EBF1: variants seen among roughly 807,000 people sequenced by gnomAD.
EBF1 encodes transcription factor COE1.
A neutral mutation model predicts 68.4 loss-of-function variants in EBF1; 10 were observed. The ratio of observed to expected loss-of-function variants is 0.15; its 90% CI spans 0.09 to 0.25. EBF1 has a LOEUF of 0.25. EBF1 is among the 10% of genes least tolerant of loss of function. The pLI is 1.00. For synonymous variants in EBF1, 298 were observed against 299.8 expected (o/e 0.99, Z 0.06); for missense variants, 509 against 794.4 (o/e 0.64, Z 4.32).
intron 6 of EBF1, among the ~76,000 whole-genome samples, chr5:158,973,107 T>C (rs1040871126): frequency 6.6e-6 from 1 of 152,194 alleles, no homozygotes; most frequent in African/African-American, 2.4e-5. Context: ...TACTGGTTTG[T>C]GTGTTGATTG....
intron 6 of EBF1, among the ~76,000 whole-genome samples, chr5:158,920,654 C>A (rs1562302647): frequency 1.3e-5 from 2 of 152,136 alleles, no homozygotes; most frequent in African/African-American, 4.8e-5. Context: ...TCATAGCTCA[C>A]TGCAGCCTGC....
intron 6 of EBF1, among the ~76,000 whole-genome samples, chr5:159,032,027 C>T (rs1170982123): frequency 2.0e-5 from 3 of 152,048 alleles, no homozygotes; most frequent in Non-Finnish European, 2.9e-5. Context: ...CTGGTGAATA[C>T]ATTCTTGGAT....
intron 6 of EBF1, among the ~76,000 whole-genome samples, chr5:159,060,760 C>T (rs1450129019): frequency 1.3e-5 from 2 of 152,198 alleles, no homozygotes; most frequent in South Asian, 2.1e-4. Context: ...TACAGGATGG[C>T]ATAAAAGATG....
At chr5:158,740,245 C>T (rs894946743) in intron 10 of EBF1, among the ~76,000 whole-genome samples, 1 of 152,172 alleles carries the variant, frequency 6.6e-6, no homozygotes, top group Non-Finnish European at 1.5e-5. Flanking sequence ...GGGACAGCAC[C>T]GAGTCAGGCT....
intron 6 of EBF1, among the ~76,000 whole-genome samples, chr5:159,061,541 GC>G (rs1273792957): frequency 1.3e-5 from 2 of 152,102 alleles, no homozygotes; most frequent in South Asian, 2.1e-4. Flanking sequence ...GGGAGGAGGA[GC>G]CCCCGCCCTT....
intron 7 of EBF1, among the ~76,000 whole-genome samples, chr5:158,838,151 C>A (rs1466588473): frequency 1.3e-5 from 2 of 151,932 alleles, no homozygotes; most frequent in Non-Finnish European, 2.9e-5. Flanking sequence ...AAACTAGAAA[C>A]CTCCCCATTC....
chr5:158,940,107 T>C (rs541718443), intron 6 of EBF1, among the ~76,000 whole-genome samples: 1 of 152,308 alleles, frequency 6.6e-6, no homozygotes, highest in South Asian at 2.1e-4. Flanking sequence ...TGGGAGAGTT[T>C]TCTTGTTCTC....
At chr5:158,828,413 G>C (rs980384570) in intron 7 of EBF1, among the ~76,000 whole-genome samples, 1 of 152,096 alleles carries the variant, frequency 6.6e-6, no homozygotes, top group Non-Finnish European at 1.5e-5. Context: ...CCTCACAGGA[G>C]GAAATTTGGA....
At chr5:158,899,044 T>C (rs1480406246) in intron 6 of EBF1, among the ~76,000 whole-genome samples, 1 of 152,204 alleles carries the variant, frequency 6.6e-6, no homozygotes, top group Non-Finnish European at 1.5e-5. Flanking sequence ...AGTATACTGT[T>C]CCCCATATTG....
At chr5:158,895,345 G>T (rs1271168253) in intron 6 of EBF1, among the ~76,000 whole-genome samples, 1 of 152,190 alleles carries the variant, frequency 6.6e-6, no homozygotes, top group Non-Finnish European at 1.5e-5. Flanking sequence ...TGGCAACATA[G>T]CGAGGCCCTG....
Position 158,731,170 on chromosome 5 carries a change from A to C in EBF1, c.1037-13T>G. On this transcript the variant is annotated splice_polypyrimidine_tract_variant and intron_variant, in intron 10 of 15. Transcript: ENST00000313708. ...GGTTCGTTGAGCGCTGCAATAAAGA[A>C]GTCACACAATTAGTACATTTTCAAG... 6.2e-7 allele frequency: 1 copy of C among 1,612,804 alleles called. No individual in the cohort carries two copies. Among genetic ancestry groups the C allele is most frequent in the Non-Finnish European group, 8.5e-7 (1 of 1,179,002 alleles).
At chr5:158,849,191 A>C (rs1792127951) in intron 6 of EBF1, among the ~76,000 whole-genome samples, 1 of 152,242 alleles carries the variant, frequency 6.6e-6, no homozygotes, top group Non-Finnish European at 1.5e-5. Context: ...AATACTTTTA[A>C]AATATTAATC....
chr5:158,846,684 G>C (rs1791588339), intron 6 of EBF1, among the ~76,000 whole-genome samples: 1 of 152,236 alleles, frequency 6.6e-6, no homozygotes, highest in African/African-American at 2.4e-5. Flanking sequence ...CACAGAAGTA[G>C]TTGTAGAGTA....
intron 1 of EBF1, 85 bp from the exon 2 acceptor site, chr5:159,097,215 A>C: frequency 6.9e-7 from 1 of 1,439,740 alleles, no homozygotes; most frequent in South Asian, 1.4e-5. Flanking sequence ...TCGAACCCTC[A>C]AACACCCACC....
chr5:159,096,682 G>GGTGC, intron 2 of EBF1: 2 of 604,938 alleles, frequency 3.3e-6, no homozygotes, highest in Non-Finnish European at 5.8e-6. Flanking sequence ...AGAGGCAGGC[G>GGTGC]GTGCGTAATC....
intron 3 of EBF1, 24 bp from the exon 4 acceptor site, chr5:159,095,699 G>T: frequency 6.2e-7 from 1 of 1,613,648 alleles, no homozygotes; most frequent in East Asian, 2.2e-5. Flanking sequence ...TGGGGGAAGG[G>T]AGGAGAATTA....
At chr5:158,948,277 A>G (rs1815256557) in intron 6 of EBF1, among the ~76,000 whole-genome samples, 1 of 152,120 alleles carries the variant, frequency 6.6e-6, no homozygotes, top group Admixed American at 6.5e-5. Flanking sequence ...AGGGCAGGCC[A>G]ATGGCAGCTG....
intron 10 of EBF1, among the ~76,000 whole-genome samples, chr5:158,773,606 T>A (rs1281321569): frequency 6.6e-6 from 1 of 152,162 alleles, no homozygotes. Context: ...ATTCTTTCAG[T>A]CATATATTCC....
intron 6 of EBF1, among the ~76,000 whole-genome samples, chr5:158,873,222 G>C (rs752308318): frequency 7.2e-5 from 11 of 151,860 alleles, no homozygotes; most frequent in Non-Finnish European, 1.3e-4. Flanking sequence ...CTAGTTAGTG[G>C]GGATTTTACT....
Sources: allele counts gnomAD v4.1 joint callset (sites outside exome capture counted in the v4.1 genomes callset), GRCh38; gene constraint gnomAD v4.1.1; transcripts MANE v1.5; gene names NCBI Gene and HGNC (gene_info 2026-07-23, HGNC 2026-07-21).